Variants in IQUB observed in about 807,000 individuals in gnomAD.
IQUB encodes IQ motif and ubiquitin-like domain-containing protein.
In IQUB, 86 loss-of-function variants were observed where a neutral mutation model predicts 86.4. The ratio of observed to expected loss-of-function variants is 1.00; its 90% confidence interval spans 0.84 to 1.19. The LOEUF is 1.19. Among genes scored for constraint, IQUB ranks in the 50% most tolerant of loss-of-function variants. The pLI is 0.00. For missense variants in IQUB, 946 were observed against 916.9 expected (o/e 1.03, Z -0.41); for synonymous variants, 289 against 304.5 (o/e 0.95, Z 0.53).
Position 123,502,713 on chromosome 7 carries a change from T to C in IQUB, c.907A>G (p.Thr303Ala). ...QKKNLQQTTNTTSTQMTNIGV... is the reference protein window; with the variant it reads ...QKKNLQQTTNATSTQMTNIGV... ...ATGTTAGTCATCTGTGTGGATGTTG[T>C]ATTTGTAGTTTGTTGGAGATTTTTT... is the stretch of plus-strand genomic sequence containing the variant. The change falls in exon 6 of 13, where the codon ACA (threonine) becomes GCA (alanine). Residue 303 changes from threonine (T) to alanine (A), a missense_variant. Transcript: ENST00000324698. The C allele has an allele frequency of 1.9e-6, 3 of 1,600,970 alleles. No individual in the cohort carries two copies. Among genetic ancestry groups the C allele is most frequent in the Non-Finnish European group, 1.7e-6 (2 of 1,176,484 alleles).
chr7:123,515,411 A>G lies in IQUB; in HGVS notation c.-4-3067T>C, dbSNP rs114113673. ...AAGGACTTATATTCAGACTATATAGAGAATAATAAGAAAAAATAATATTTA... is the reference window on the plus strand; with the variant it reads ...AAGGACTTATATTCAGACTATATAGGGAATAATAAGAAAAAATAATATTTA... On this transcript the variant is annotated intron_variant, in intron 1 of 12. Coordinates refer to ENST00000324698, the MANE Select transcript of IQUB (RefSeq NM_178827.5). 3.6e-3 allele frequency among the ~76,000 whole-genome samples: 549 copies of G among 152,302 alleles called. 4 individuals carry two copies. Among genetic ancestry groups the G allele is most frequent in the African/African-American group, 0.013 (526 of 41,574 alleles).
At chr7:123,520,117 C>T (rs957483731) in intron 1 of IQUB, among the ~76,000 whole-genome samples, 1 of 152,050 alleles carries the variant, frequency 6.6e-6, no homozygotes, top group African/African-American at 2.4e-5. Flanking sequence ...ACAATTATTG[C>T]ACATATTTAT....
At chr7:123,496,188 A>G (rs1426229594) in intron 7 of IQUB, among the ~76,000 whole-genome samples, 1 of 152,140 alleles carries the variant, frequency 6.6e-6, no homozygotes, top group Non-Finnish European at 1.5e-5. Context: ...ATCCATGACT[A>G]GCACACACAC....
In IQUB at chr7:123,503,212, A is replaced by T; in HGVS notation, c.684T>A (p.Thr228=). 6.2e-7 allele frequency: 1 copy of T among 1,611,608 alleles called. No homozygotes were observed. The highest frequency in any genetic ancestry group is 8.5e-7 in the Non-Finnish European group (1 of 1,179,014). Residue 228 remains threonine, a synonymous_variant, in exon 4 of 13, where the codon ACT becomes ACA. Coordinates refer to ENST00000324698, the MANE Select transcript of IQUB (RefSeq NM_178827.5). Reference sequence around the variant, plus strand: ...CATCAAATAACGAACCAGTTTGGACAGTGACAGTTATGATTTGAGAGACAT... The same window carrying T: ...CATCAAATAACGAACCAGTTTGGACTGTGACAGTTATGATTTGAGAGACAT... ...LTDVSQIITV[T]VQTGLDQYQQ...
At chr7:123,513,382 T>C (rs1027928734) in intron 1 of IQUB, among the ~76,000 whole-genome samples, 1 of 152,132 alleles carries the variant, frequency 6.6e-6, no homozygotes, top group Non-Finnish European at 1.5e-5. Context: ...ACAGATAAGA[T>C]ACAAAAAATA....
chr7:123,488,349 G>GAAA (rs536092384), intron 7 of IQUB, among the ~76,000 whole-genome samples: 3 of 98,000 alleles, frequency 3.1e-5, no homozygotes, highest in East Asian at 5.8e-4. Flanking sequence ...TCAAAAAAAA[G>GAAA]AAAAAAAAAA....
intron 1 of IQUB, among the ~76,000 whole-genome samples, chr7:123,527,298 G>C (rs946628139): frequency 6.6e-6 from 1 of 152,166 alleles, no homozygotes; most frequent in Admixed American, 6.5e-5. Context: ...ATCGTCTGAA[G>C]CCTTCTTCTC....
In IQUB at chr7:123,471,235, T is replaced by C. The variant is rs1001182095; in HGVS notation, c.1411-1851A>G. 4.6e-5 allele frequency among the ~76,000 whole-genome samples: 7 copies of C among 152,300 alleles called. No individual in the cohort carries two copies. In the East Asian group the frequency reaches 1.3e-3, roughly 29 times the overall value. The stretch of plus-strand genomic sequence containing the variant: ...ATTAAAAGCTTATAAGGAAAATAGC[T>C]CAATAATAAAATATTTTATCATTCA... On this transcript the variant is annotated intron_variant, in intron 8 of 12. Coordinates refer to ENST00000324698, the MANE Select transcript of IQUB (RefSeq NM_178827.5).
chr7:123,520,448 C>T (rs1796850535), intron 1 of IQUB, among the ~76,000 whole-genome samples: 1 of 152,100 alleles, frequency 6.6e-6, no homozygotes, highest in Non-Finnish European at 1.5e-5. Flanking sequence ...TATGGCAGAG[C>T]AGAGTGGCAA....
At position 123,452,613 on chromosome 7, in the gene IQUB, A is replaced by C; in HGVS notation, c.*130T>G. The C allele has an allele frequency of 1.9e-6, 1 of 518,094 alleles. No homozygotes were observed. Among genetic ancestry groups the C allele is most frequent in the Non-Finnish European group, 3.2e-6 (1 of 314,604 alleles). The allele number at this position is 518,094 out of a possible 1,614,324, so 32.1% of individuals were successfully genotyped here. On this transcript the variant is annotated 3_prime_UTR_variant, in exon 13 of 13. Transcript: ENST00000324698. ...GAAATGTTTTCTCTTTATATAACTC[A>C]AAATACTATGAAAAACAAAAAACAA...
chr7:123,498,966 T>C (rs1795825171), intron 6 of IQUB, among the ~76,000 whole-genome samples: 1 of 152,130 alleles, frequency 6.6e-6, no homozygotes. Context: ...CTGCAGAATG[T>C]GTAGAACATA....
intron 3 of IQUB, among the ~76,000 whole-genome samples, chr7:123,507,293 G>A (rs902200580): frequency 1.3e-5 from 2 of 152,174 alleles, no homozygotes; most frequent in African/African-American, 2.4e-5. Flanking sequence ...TAAATTACAT[G>A]AGATATTCAA....
chr7:123,482,004 G>A (rs576060348), intron 7 of IQUB, among the ~76,000 whole-genome samples: 4 of 151,918 alleles, frequency 2.6e-5, no homozygotes, highest in Non-Finnish European at 5.9e-5. Context: ...GACACGAAAG[G>A]TGAAATTTAA....
intron 8 of IQUB, among the ~76,000 whole-genome samples, chr7:123,470,067 C>A (rs1057431396): frequency 1.8e-4 from 27 of 152,118 alleles, no homozygotes; most frequent in African/African-American, 6.5e-4. Flanking sequence ...GTTCACTTGC[C>A]CTGAAGCTCA....
Position 123,479,896 on chromosome 7 carries a change from G to GTTCA in IQUB, c.1305_1308dup (p.Leu437Ter). 1 of 1,612,910 alleles carries GTTCA rather than the reference G, an allele frequency of 6.2e-7. No individual in the cohort carries two copies. The highest frequency in any genetic ancestry group is 8.5e-7 in the Non-Finnish European group (1 of 1,179,284). Reference sequence around the variant, plus strand: ...ATTATCTGAGTCTCTTTTTCCAGAAGTTCACACAGAGCAGCTTTCCTTTCA... The same window carrying GTTCA: ...ATTATCTGAGTCTCTTTTTCCAGAAGTTCATTCACACAGAGCAGCTTTCCTTTCA... On this transcript the variant is annotated stop_gained and frameshift_variant, in exon 8 of 13. Coordinates refer to ENST00000324698, the MANE Select transcript of IQUB (RefSeq NM_178827.5). LOFTEE classifies it high-confidence loss of function.
In IQUB at chr7:123,496,912, GTTAAA is replaced by G. The variant is rs780313791; in HGVS notation, c.1024-11_1024-7del. ...TAAGTCTGTATCACTATCACCTATA[GTTAAA>G]TTAAAAGGAAATAGAAAGTGCCTAT... On this transcript the variant is annotated splice_region_variant and splice_polypyrimidine_tract_variant and intron_variant, in intron 6 of 12. Transcript: ENST00000324698. The G allele has an allele frequency of 3.8e-6, 6 of 1,567,080 alleles. No individual in the cohort carries two copies. In the African/African-American group the frequency reaches 6.9e-5, roughly 18 times the overall value.
At chr7:123,496,551 G>T (rs558303027) in intron 7 of IQUB, 145 bp downstream of exon 7, 203 of 542,170 alleles carry the variant, frequency 3.7e-4, no homozygotes, top group South Asian at 7.7e-4. Flanking sequence ...ATATAAAGTG[G>T]TATTCATCTT....
chr7:123,476,504 T>C (rs1193692751), intron 8 of IQUB, among the ~76,000 whole-genome samples: 3 of 151,860 alleles, frequency 2.0e-5, no homozygotes, highest in Non-Finnish European at 4.4e-5. Flanking sequence ...TTTGCAAACA[T>C]GAAAATCCTT....
rs1793498897 is a variant in IQUB at position 123,452,929 on chromosome 7, C to A, written c.2194-4G>T. 2.5e-6 allele frequency: 4 copies of A among 1,594,298 alleles called. No individual in the cohort carries two copies. The highest frequency in any genetic ancestry group is 1.4e-5 in the African/African-American group (1 of 73,696). On this transcript the variant is annotated splice_polypyrimidine_tract_variant and splice_region_variant and intron_variant, in intron 12 of 12. Transcript: ENST00000324698. ...GAATAAATGAGCGTTCATATCCCTGCAAAGAAAAAAATCAAATTCTAGTAA... is the reference window on the plus strand; with the variant it reads ...GAATAAATGAGCGTTCATATCCCTGAAAAGAAAAAAATCAAATTCTAGTAA...
Sources: gnomAD v4.1 joint callset for allele counts (sites outside exome capture counted in the v4.1 genomes callset) on GRCh38, gnomAD v4.1.1 for gene constraint, MANE v1.5 for transcripts, NCBI Gene and HGNC (gene_info 2026-07-23, HGNC 2026-07-21) for gene names.